Variants in KLHL29 observed in about 807,000 individuals in gnomAD.
KLHL29 encodes kelch like family member 29, also known as kelch-like protein 29.
Under a neutral mutation model 80.4 loss-of-function variants are expected in KLHL29, and 21 were observed. That is an observed-to-expected ratio of 0.26 (90% CI 0.19 to 0.38). The LOEUF (loss-of-function observed/expected upper bound fraction) is 0.38, where lower values mean the gene tolerates loss of function less well. Among genes scored for constraint, KLHL29 ranks in the 10% least tolerant of loss-of-function variants. The pLI is 1.00. For synonymous variants in KLHL29, 511 were observed against 526.8 expected (o/e 0.97, Z 0.41); for missense variants, 867 against 1,223.9 (o/e 0.71, Z 4.35).
chr2:23,540,483 C>T (rs1666802168), intron 2 of KLHL29, among the ~76,000 whole-genome samples: 1 of 152,144 alleles, frequency 6.6e-6, no homozygotes, highest in African/African-American at 2.4e-5. Flanking sequence ...TCTTTCTTTC[C>T]TCTCCTTCTC....
chr2:23,444,275 A>G (rs1284085583), intron 1 of KLHL29, among the ~76,000 whole-genome samples: 6 of 152,008 alleles, frequency 3.9e-5, no homozygotes, highest in African/African-American at 1.4e-4. Context: ...AGAACTCAAG[A>G]TTTTTTTCCT....
At chr2:23,639,110 A>G (rs1030016509) in intron 3 of KLHL29, 29 bp from the exon 4 acceptor site, 1 of 1,509,082 alleles carries the variant, frequency 6.6e-7, no homozygotes, top group Non-Finnish European at 8.8e-7. Flanking sequence ...TGGCCAGGCT[A>G]TGCTCACCTC....
chr2:23,620,501 G>A (rs892606691), intron 3 of KLHL29, among the ~76,000 whole-genome samples: 1 of 152,124 alleles, frequency 6.6e-6, no homozygotes, highest in Non-Finnish European at 1.5e-5. Context: ...GGCGTGGGGG[G>A]ACAGTTAAAG....
At chr2:23,657,755 C>T (rs56360018) in intron 5 of KLHL29, among the ~76,000 whole-genome samples, 2 of 152,166 alleles carry the variant, frequency 1.3e-5, no homozygotes, top group Admixed American at 6.5e-5. Flanking sequence ...CCCCAGAGCA[C>T]TGAGAGCTGT....
chr2:23,462,467 T>A (rs1430934160), intron 1 of KLHL29, among the ~76,000 whole-genome samples: 1 of 151,990 alleles, frequency 6.6e-6, no homozygotes, highest in Non-Finnish European at 1.5e-5. Context: ...CACTAGGGAG[T>A]CTGGAGGGGC....
At chr2:23,549,313 C>T (rs1667063253) in intron 2 of KLHL29, among the ~76,000 whole-genome samples, 1 of 152,212 alleles carries the variant, frequency 6.6e-6, no homozygotes, top group East Asian at 1.9e-4. Context: ...GCAACAAAAT[C>T]TATGTTTCAA....
At chr2:23,690,548 T>C (rs1671526844) in intron 6 of KLHL29, 1 of 152,118 alleles carries the variant, frequency 6.6e-6, no homozygotes, top group Admixed American at 6.5e-5. Context: ...GAGAAGCGAG[T>C]GAGTGGACCA....
rs60558023 is a variant in KLHL29 at position 23,552,761 on chromosome 2, C to CTTTTTTTTTTTTTTTTTTTTTTTTTTTT, written c.-45-9374_-45-9373insTTTTTTTTTTTTTTTTTTTTTTTTTTTT. On this transcript the variant is annotated intron_variant, in intron 2 of 13. Transcript: ENST00000486442. ...CACGGCTATAGCTCTGGTTTCTTTT[C>CTTTTTTTTTTTTTTTTTTTTTTTTTTTT]TTTTTTTTTTTTTTTTTGAGATGGC... 8.4e-5 allele frequency among the ~76,000 whole-genome samples: 8 copies of CTTTTTTTTTTTTTTTTTTTTTTTTTTTT among 95,544 alleles called. 1 individual carries two copies. The highest frequency in any genetic ancestry group is 2.5e-4 in the East Asian group (1 of 4,026). 62.7% of individuals were successfully genotyped at this position (95,544 alleles called of 152,430 possible).
intron 3 of KLHL29, among the ~76,000 whole-genome samples, chr2:23,594,189 T>C (rs1668338965): frequency 6.6e-6 from 1 of 152,178 alleles, no homozygotes; most frequent in Non-Finnish European, 1.5e-5. Context: ...GTTGCCTTGT[T>C]TACCAGACCG....
At chr2:23,620,493 C>T (rs530854053) in intron 3 of KLHL29, among the ~76,000 whole-genome samples, 4 of 152,104 alleles carry the variant, frequency 2.6e-5, no homozygotes, top group Non-Finnish European at 4.4e-5. Flanking sequence ...TGGGGCATGG[C>T]GTGGGGGGAC....
At chr2:23,491,719 T>C (rs1049589500) in intron 2 of KLHL29, among the ~76,000 whole-genome samples, 1 of 152,122 alleles carries the variant, frequency 6.6e-6, no homozygotes, top group Non-Finnish European at 1.5e-5. Flanking sequence ...TCCCTAGGGA[T>C]TGGTCCTGTT....
intron 5 of KLHL29, among the ~76,000 whole-genome samples, chr2:23,644,757 A>G (rs1250821190): frequency 2.0e-5 from 3 of 152,228 alleles, no homozygotes; most frequent in South Asian, 2.1e-4. Context: ...TCCTGAGCCA[A>G]TGGAAGGGAG....
At chr2:23,547,798 C>T (rs922046120) in intron 2 of KLHL29, among the ~76,000 whole-genome samples, 1 of 152,114 alleles carries the variant, frequency 6.6e-6, no homozygotes, top group African/African-American at 2.4e-5. Context: ...AAACCAGTTA[C>T]ATGGCCATCA....
chr2:23,509,162 G>A (rs1665696333), intron 2 of KLHL29, among the ~76,000 whole-genome samples: 1 of 152,198 alleles, frequency 6.6e-6, no homozygotes, highest in African/African-American at 2.4e-5. Flanking sequence ...AAGGGCTCAG[G>A]GCAGGAGCAG....
intron 1 of KLHL29, among the ~76,000 whole-genome samples, chr2:23,452,825 C>T (rs757504935): frequency 1.3e-5 from 2 of 152,120 alleles, no homozygotes; most frequent in Non-Finnish European, 2.9e-5. Context: ...GCTTTTGGAA[C>T]GTTCTTCTTT....
intron 2 of KLHL29, among the ~76,000 whole-genome samples, chr2:23,509,461 C>T (rs1160218385): frequency 6.6e-6 from 1 of 151,646 alleles, no homozygotes; most frequent in African/African-American, 2.4e-5. Flanking sequence ...GGGACAGGGG[C>T]GGATGGTATA....
chr2:23,580,373 T>TA (rs1667951213), intron 3 of KLHL29, among the ~76,000 whole-genome samples: 1 of 114,732 alleles, frequency 8.7e-6, no homozygotes, highest in Non-Finnish European at 1.8e-5. Context: ...CTCTGTCTCA[T>TA]AAAAAAGATC....
In KLHL29 at chr2:23,562,060, A is replaced by G; in HGVS notation, c.-45-92A>G. On this transcript the variant is annotated intron_variant, in intron 2 of 13. Coordinates refer to ENST00000486442, the MANE Select transcript of KLHL29 (RefSeq NM_052920.2). This position sits in a 1 kb window ranked among gnomAD's most constrained non-coding sequence, Gnocchi z 4.5. ...ATGAGCTAATGTTTGAAGGCCTGTT[A>G]TTGAACCCAGAGAAGGGGCTTCATG... is the stretch of plus-strand genomic sequence containing the variant. 1.1e-6 allele frequency: 1 copy of G among 938,990 alleles called. No individual in the cohort carries two copies. Among genetic ancestry groups the G allele is most frequent in the Non-Finnish European group, 1.6e-6 (1 of 628,074 alleles). The allele number at this position is 938,990 out of a possible 1,614,324, so 58.2% of individuals were successfully genotyped here.
chr2:23,522,790 C>A (rs559749638), intron 2 of KLHL29, among the ~76,000 whole-genome samples: 1 of 152,188 alleles, frequency 6.6e-6, no homozygotes, highest in East Asian at 1.9e-4. Flanking sequence ...CTCTCTAAAG[C>A]CATCTACCAC....
Sources: gnomAD v4.1 joint callset for allele counts (sites outside exome capture counted in the v4.1 genomes callset) on GRCh38, gnomAD v4.1.1 for gene constraint, Gnocchi (gnomAD v3.1) non-coding constraint, MANE v1.5 for transcripts, NCBI Gene and HGNC (gene_info 2026-07-23, HGNC 2026-07-21) for gene names.